LRRTM4: variants seen among roughly 807,000 people sequenced by gnomAD.
The protein encoded by LRRTM4 is leucine-rich repeat transmembrane neuronal protein 4.
In LRRTM4, 25 loss-of-function variants were observed where a neutral mutation model predicts 47.6. That is an observed-to-expected ratio of 0.53 (90% confidence interval 0.38 to 0.73). LRRTM4 has a LOEUF of 0.73. Ranked by LOEUF, LRRTM4 falls within the 30% of genes least tolerant of loss-of-function variation. The pLI, the probability that LRRTM4 is intolerant of heterozygous loss-of-function variation, is 0.00. For synonymous variants in LRRTM4, 311 were observed against 269.5 expected (o/e 1.15, Z -1.51); for missense variants, 638 against 713.4 (o/e 0.89, Z 1.20).
At chr2:76,753,281 C>G (rs571968462) in intron 3 of LRRTM4, among the ~76,000 whole-genome samples, 3 of 152,210 alleles carry the variant, frequency 2.0e-5, no homozygotes, top group Middle Eastern at 3.4e-3. Flanking sequence ...TGAAAGTATT[C>G]CCTGATACTG....
At chr2:76,862,730 C>A (rs1202070608) in intron 3 of LRRTM4, among the ~76,000 whole-genome samples, 1 of 152,176 alleles carries the variant, frequency 6.6e-6, no homozygotes. Context: ...CTCTGTTAAA[C>A]TGGATTTTGT....
At chr2:77,460,077 G>A (rs1428045736) in intron 3 of LRRTM4, among the ~76,000 whole-genome samples, 2 of 151,932 alleles carry the variant, frequency 1.3e-5, no homozygotes, top group South Asian at 2.1e-4. Context: ...CATTCACCAC[G>A]GATACCCAGA....
At chr2:77,412,519 A>C (rs553851113) in intron 3 of LRRTM4, among the ~76,000 whole-genome samples, 62 of 152,298 alleles carry the variant, frequency 4.1e-4, no homozygotes, top group African/African-American at 1.3e-3. Context: ...AACAGCCTAA[A>C]TGTGAATTAC....
chr2:77,062,616 A>C (rs1197385394), intron 3 of LRRTM4, among the ~76,000 whole-genome samples: 1 of 152,194 alleles, frequency 6.6e-6, no homozygotes, highest in Non-Finnish European at 1.5e-5. Flanking sequence ...TTAAAACCCT[A>C]GAATAGAGGA....
chr2:77,357,712 CT>C (rs1349540197), intron 3 of LRRTM4, among the ~76,000 whole-genome samples: 1 of 152,136 alleles, frequency 6.6e-6, no homozygotes. Flanking sequence ...TGATGTATGG[CT>C]TACTTTATTA....
intron 3 of LRRTM4, among the ~76,000 whole-genome samples, chr2:76,971,081 G>A (rs878868762): frequency 6.6e-6 from 1 of 152,002 alleles, no homozygotes; most frequent in Admixed American, 6.6e-5. Context: ...CTGAGAAAGA[G>A]AACTGGGCAA....
intron 3 of LRRTM4, among the ~76,000 whole-genome samples, chr2:76,985,415 T>A (rs949214651): frequency 2.0e-5 from 3 of 152,012 alleles, no homozygotes; most frequent in Non-Finnish European, 2.9e-5. Flanking sequence ...TTTCCGTTCG[T>A]CTGCTAACAC....
At chr2:77,447,770 T>A (rs1394600976) in intron 3 of LRRTM4, among the ~76,000 whole-genome samples, 10 of 152,170 alleles carry the variant, frequency 6.6e-5, no homozygotes, top group African/African-American at 2.4e-4. Context: ...TGCACAATTA[T>A]GCAGAGCACA....
intron 3 of LRRTM4, among the ~76,000 whole-genome samples, chr2:77,228,082 C>A (rs1558643784): frequency 6.6e-6 from 1 of 151,994 alleles, no homozygotes; most frequent in Non-Finnish European, 1.5e-5. Context: ...AAACAGGACA[C>A]AATTATAAAT....
intron 3 of LRRTM4, among the ~76,000 whole-genome samples, chr2:77,303,923 T>C (rs572460619): frequency 1.3e-5 from 2 of 152,282 alleles, no homozygotes; most frequent in South Asian, 4.1e-4. Flanking sequence ...AACACAGGAC[T>C]GCAGGAATCT....
At chr2:76,910,167 TA>T (rs1011049489) in intron 3 of LRRTM4, among the ~76,000 whole-genome samples, 2 of 152,048 alleles carry the variant, frequency 1.3e-5, no homozygotes, top group Admixed American at 6.5e-5. Flanking sequence ...TATGCAGCCA[TA>T]AAAAATGATA....
intron 3 of LRRTM4, among the ~76,000 whole-genome samples, chr2:77,061,328 G>A (rs1422303110): frequency 6.6e-6 from 1 of 151,986 alleles, no homozygotes; most frequent in African/African-American, 2.4e-5. Flanking sequence ...AGGGTTTTAA[G>A]GCTGCTCTCA....
chr2:76,891,722 A>C (rs1673260873), intron 3 of LRRTM4, among the ~76,000 whole-genome samples: 1 of 151,842 alleles, frequency 6.6e-6, no homozygotes. Context: ...ACTCCAAATG[A>C]AAAAGATATC....
chr2:77,502,971 T>C (rs1186594244), intron 3 of LRRTM4, among the ~76,000 whole-genome samples: 1 of 150,668 alleles, frequency 6.6e-6, no homozygotes, highest in Admixed American at 6.7e-5. Context: ...AGTAGAGTCA[T>C]CCATGAATGG....
At chr2:76,892,734 A>G (rs986077109) in intron 3 of LRRTM4, among the ~76,000 whole-genome samples, 2 of 151,752 alleles carry the variant, frequency 1.3e-5, no homozygotes, top group African/African-American at 4.8e-5. Flanking sequence ...TTAAATTCAG[A>G]AAGTCACTGC....
intron 3 of LRRTM4, among the ~76,000 whole-genome samples, chr2:76,765,856 G>A (rs577588751): frequency 1.7e-4 from 26 of 152,346 alleles, no homozygotes; most frequent in African/African-American, 6.0e-4. Context: ...TGTGGATGAT[G>A]TCACAATGAT....
intron 3 of LRRTM4, among the ~76,000 whole-genome samples, chr2:76,836,641 C>T (rs900349324): frequency 1.3e-4 from 20 of 151,962 alleles, no homozygotes; most frequent in Admixed American, 2.6e-4. Context: ...ATTCTAATAA[C>T]ATTTTCCAAT....
intron 3 of LRRTM4, among the ~76,000 whole-genome samples, chr2:77,278,581 A>C (rs945947527): frequency 2.0e-5 from 3 of 152,018 alleles, no homozygotes; most frequent in Non-Finnish European, 4.4e-5. Flanking sequence ...AAAGGTATAT[A>C]GGAAGAATTG....
chr2:77,078,456 C>T (rs1274540601), intron 3 of LRRTM4, among the ~76,000 whole-genome samples: 2 of 151,746 alleles, frequency 1.3e-5, no homozygotes, highest in Non-Finnish European at 2.9e-5. Flanking sequence ...GAGGAATTAG[C>T]GATAAAGTGA....
Sources: allele counts gnomAD v4.1 joint callset (sites outside exome capture counted in the v4.1 genomes callset), GRCh38; gene constraint gnomAD v4.1.1; transcripts MANE v1.5; gene names NCBI Gene and HGNC (gene_info 2026-07-23, HGNC 2026-07-21).